The following CFAP47 variants were observed in gnomAD, a reference collection of about 807,000 sequenced individuals.
CFAP47 encodes cilia- and flagella-associated protein 47.
A neutral mutation model predicts 148.1 loss-of-function variants in CFAP47; 29 were observed. That is an observed-to-expected ratio of 0.20 (90% confidence interval 0.15 to 0.27). The LOEUF (loss-of-function observed/expected upper bound fraction) is 0.27. Ranked by LOEUF, CFAP47 falls within the 10% of genes least tolerant of loss-of-function variation. The pLI is 1.00. For synonymous variants in CFAP47, 664 were observed against 577.3 expected (o/e 1.15, Z -2.15); for missense variants, 1,872 against 1,697.5 (o/e 1.10, Z -1.81).
chrX:36,144,939 G>A, intron 35 of CFAP47: 1 of 812,987 alleles, frequency 1.2e-6, no homozygotes, highest in Non-Finnish European at 1.6e-6. Flanking sequence ...CTTGGCCTGA[G>A]CCATGCTTCT....
intron 45 of CFAP47, among the ~76,000 whole-genome samples, chrX:36,223,985 G>A (rs1302399447): frequency 9.0e-6 from 1 of 110,777 alleles, no homozygotes; most frequent in Non-Finnish European, 1.9e-5. Context: ...GTACCTCCCT[G>A]TATCTAAAAT....
In CFAP47 at chrX:35,951,197, T is replaced by C. The variant is rs142538901; in HGVS notation, c.723T>C (p.Ile241=). Residue 241 remains isoleucine (I), a synonymous_variant, in exon 5 of 64, where the codon ATT becomes ATC. Coordinates refer to ENST00000378653, the MANE Select transcript of CFAP47 (RefSeq NM_001304548.2). ...AAGCTCATGTGGTTGAGCAGATTAT[T>C]GAATTATTAAGCATGAGTAGTGACA... ...SIKAHVVEQI[I]ELLSMSSDRR... 6.0e-5 allele frequency: 73 copies of C among 1,209,699 alleles called. No individual in the cohort carries two copies. In the African/African-American group the frequency reaches 1.2e-3, roughly 20 times the overall value.
intron 30 of CFAP47, among the ~76,000 whole-genome samples, chrX:36,097,050 C>T (rs1486451044): frequency 9.0e-6 from 1 of 110,741 alleles, no homozygotes; most frequent in Non-Finnish European, 1.9e-5. Context: ...TCTTATAACC[C>T]ATTATTTTAA....
intron 49 of CFAP47, among the ~76,000 whole-genome samples, chrX:36,274,390 G>T (rs916608335): frequency 9.0e-6 from 1 of 111,648 alleles, no homozygotes; most frequent in Non-Finnish European, 1.9e-5. Flanking sequence ...TATGATGGGA[G>T]TTATGGCTGT....
chrX:35,985,494 G>A (rs191814762), intron 15 of CFAP47, among the ~76,000 whole-genome samples: 219 of 111,047 alleles, frequency 2.0e-3, no homozygotes, highest in African/African-American at 6.7e-3. Context: ...AGGCTGTGAT[G>A]GGGGGAGAGT....
intron 33 of CFAP47, among the ~76,000 whole-genome samples, chrX:36,122,485 T>G: frequency 9.0e-6 from 1 of 111,413 alleles, no homozygotes; most frequent in East Asian, 2.8e-4. Context: ...CATGCTACTT[T>G]TTTTTCATTT....
Position 36,147,774 on chromosome X carries a change from A to T in CFAP47, c.5671-1334A>T, listed in dbSNP as rs755126448. ...AAGAAAATAATTAATCTTTCACCAG[A>T]TTTTCATCATATTCCTTATGACTCA... On this transcript the variant is annotated intron_variant, in intron 36 of 63. Transcript: ENST00000378653. Among the ~76,000 whole-genome samples, 5 of 112,264 alleles carry T rather than the reference A, an allele frequency of 4.5e-5. No individual in the cohort carries two copies. The East Asian group carries it at 1.1e-3, about 25-fold the overall frequency.
chrX:36,286,903 A>G (rs1275459405), intron 51 of CFAP47, among the ~76,000 whole-genome samples: 2 of 111,317 alleles, frequency 1.8e-5, no homozygotes, highest in African/African-American at 6.5e-5. Context: ...CAATTGTTGC[A>G]TTTTCTCATT....
chrX:36,231,730 TATG>T (rs1940363566), intron 46 of CFAP47, among the ~76,000 whole-genome samples: 1 of 111,540 alleles, frequency 9.0e-6, no homozygotes, highest in East Asian at 2.8e-4. Context: ...GCCCATTCAG[TATG>T]ATATTGGCTG....
intron 37 of CFAP47, among the ~76,000 whole-genome samples, chrX:36,152,335 T>A (rs1939317572): frequency 9.0e-6 from 1 of 111,659 alleles, no homozygotes. Context: ...GACATTATAG[T>A]CACTTTGATA....
In CFAP47 at chrX:36,195,164, G is replaced by A. The variant is rs142803164; in HGVS notation, c.6321+4968G>A. Among the ~76,000 whole-genome samples the A allele has an allele frequency of 4.3e-3, 482 of 112,870 alleles. 3 individuals carry two copies. The highest frequency in any genetic ancestry group is 9.3e-3 in the Middle Eastern group (2 of 216). ...CTAATTTCTATAAAACAGTTAGACA[G>A]ATTGTGACAATTTCTAGAATAGAAA... is the stretch of plus-strand genomic sequence containing the variant. On this transcript the variant is annotated intron_variant, in intron 42 of 63. Transcript: ENST00000378653.
In CFAP47 at chrX:35,996,728, T is replaced by C. The variant is rs137879333; in HGVS notation, c.3100-584T>C. The stretch of plus-strand genomic sequence containing the variant: ...AGCCCTTAGTTTAGCTGCTGCTGCT[T>C]TCAAGTTTGTGATCTCATGAAAAAG... On this transcript the variant is annotated intron_variant, in intron 18 of 63. Coordinates refer to ENST00000378653, the MANE Select transcript of CFAP47 (RefSeq NM_001304548.2). 5.3e-3 allele frequency among the ~76,000 whole-genome samples: 594 copies of C among 111,788 alleles called. 6 individuals are homozygous for C. Among genetic ancestry groups the C allele is most frequent in the African/African-American group, 0.018 (570 of 30,851 alleles).
intron 40 of CFAP47, among the ~76,000 whole-genome samples, chrX:36,181,407 G>A (rs1333477286): frequency 2.7e-5 from 3 of 111,181 alleles, no homozygotes; most frequent in Non-Finnish European, 5.7e-5. Context: ...AATTATAAAA[G>A]CATTTACAAT....
intron 45 of CFAP47, among the ~76,000 whole-genome samples, chrX:36,224,425 G>T (rs1940247391): frequency 9.0e-6 from 1 of 111,511 alleles, no homozygotes; most frequent in Non-Finnish European, 1.9e-5. Flanking sequence ...GGGAATTGTA[G>T]ATTATTACAG....
rs781925226 is a variant in CFAP47, at chrX:36,336,244, G to GACAC, written c.8444-11832_8444-11829dup. Among the ~76,000 whole-genome samples, 623 of 65,542 alleles carry GACAC rather than the reference G, an allele frequency of 9.5e-3. 3 individuals are homozygous for GACAC. Among genetic ancestry groups the GACAC allele is most frequent in the South Asian group, 0.016 (15 of 961 alleles). 56.9% of individuals were successfully genotyped at this position (65,542 alleles called of 115,157 possible). ...TCTCTCTCTCTGTCACAGACACACA[G>GACAC]ACACACACACACACACACACACACA... On this transcript the variant is annotated intron_variant, in intron 57 of 63. Transcript: ENST00000378653.
intron 33 of CFAP47, among the ~76,000 whole-genome samples, chrX:36,131,144 T>G (rs948586450): frequency 9.0e-6 from 1 of 111,062 alleles, no homozygotes; most frequent in Non-Finnish European, 1.9e-5. Flanking sequence ...TATTTCACAT[T>G]GAATGCCTGT....
At chrX:36,067,893 C>T (rs1937669043) in intron 27 of CFAP47, among the ~76,000 whole-genome samples, 1 of 110,563 alleles carries the variant, frequency 9.0e-6, no homozygotes, top group African/African-American at 3.3e-5. Context: ...CCTCGTGATC[C>T]GCCCACCTCG....
At chrX:36,179,202 C>T in intron 39 of CFAP47, 143 bp from the exon 40 acceptor site, 1 of 266,824 alleles carries the variant, frequency 3.7e-6, no homozygotes, top group Non-Finnish European at 6.6e-6. Flanking sequence ...AGAATGAAAG[C>T]ACATGGATTT....
intron 30 of CFAP47, among the ~76,000 whole-genome samples, 186 bp downstream of exon 30, chrX:36,085,724 A>G (rs1326410182): frequency 1.8e-5 from 2 of 108,726 alleles, no homozygotes; most frequent in Non-Finnish European, 3.8e-5. Flanking sequence ...TAAAGTATAT[A>G]TATCTCACAC....
Sources: allele counts gnomAD v4.1 joint callset (sites outside exome capture counted in the v4.1 genomes callset), GRCh38; gene constraint gnomAD v4.1.1; transcripts MANE v1.5; gene names NCBI Gene and HGNC (gene_info 2026-07-23, HGNC 2026-07-21).